The following KDM3B variants were observed in gnomAD, a reference collection of about 807,000 sequenced individuals.
KDM3B encodes the protein lysine-specific demethylase 3B.
In KDM3B, 10 loss-of-function variants were observed where a neutral mutation model predicts 170.0. The observed-to-expected ratio is 0.06, with a 90% confidence interval of 0.04 to 0.10. The LOEUF (loss-of-function observed/expected upper bound fraction) is 0.10, where lower values mean the gene tolerates loss of function less well. KDM3B is among the 10% of genes least tolerant of loss of function. The pLI, the probability that KDM3B is intolerant of heterozygous loss-of-function variation, is 1.00. For missense variants in KDM3B, 1,394 were observed against 2,195.2 expected (o/e 0.64, Z 7.29); for synonymous variants, 831 against 834.8 (o/e 1.00, Z 0.08).
At chr5:138,407,000 T>C (rs1185802915) in intron 11 of KDM3B, among the ~76,000 whole-genome samples, 1 of 150,988 alleles carries the variant, frequency 6.6e-6, no homozygotes, top group Admixed American at 6.6e-5. Context: ...TTTTTTTTTT[T>C]TTTGAGACAG....
At chr5:138,417,440 TG>T in intron 12 of KDM3B, 42 bp from the exon 13 acceptor site, 1 of 1,592,322 alleles carries the variant, frequency 6.3e-7, no homozygotes, top group Non-Finnish European at 8.6e-7. Flanking sequence ...GTGGCATATA[TG>T]AGTATTCTGG....
chr5:138,354,460 A>G (rs1411855510), intron 1 of KDM3B, among the ~76,000 whole-genome samples: 3 of 152,210 alleles, frequency 2.0e-5, no homozygotes, highest in Non-Finnish European at 4.4e-5. Flanking sequence ...CCACTATTAT[A>G]TGCATACTTT....
intron 8 of KDM3B, among the ~76,000 whole-genome samples, 196 bp downstream of exon 8, chr5:138,392,457 G>T (rs1003352974): frequency 2.0e-5 from 3 of 152,244 alleles, no homozygotes; most frequent in African/African-American, 7.2e-5. Flanking sequence ...GGCACTGTAG[G>T]AGGAGTATCT....
chr5:138,394,066 C>T (rs1762495102), intron 9 of KDM3B, among the ~76,000 whole-genome samples: 1 of 152,086 alleles, frequency 6.6e-6, no homozygotes, highest in Admixed American at 6.6e-5. Context: ...AATTTCAGCC[C>T]TCAGAAGGTT....
Position 138,431,427 on chromosome 5 carries a change from T to C in KDM3B, c.5073T>C (p.Val1691=), listed in dbSNP as rs548646600. Residue 1691 remains valine, a splice_region_variant and synonymous_variant, in exon 23 of 24, where the codon GTT becomes GTC. Transcript: ENST00000314358. The part of the protein sequence containing the change: ...VFIPAGAPHQ[V]HNLYSCIKVA... Reference sequence around the variant, plus strand: ...CCTCTGCACTTTGCCCTTCTCAGGTTCACAATCTATACAGTTGCATAAAAG... The same window carrying C: ...CCTCTGCACTTTGCCCTTCTCAGGTCCACAATCTATACAGTTGCATAAAAG... The C allele has an allele frequency of 1.9e-6, 3 of 1,592,496 alleles. No homozygotes were observed. Among genetic ancestry groups the C allele is most frequent in the African/African-American group, 2.7e-5 (2 of 74,508 alleles).
chr5:138,427,149 C>T, intron 18 of KDM3B, 40 bp from the exon 19 acceptor site: 1 of 1,607,318 alleles, frequency 6.2e-7, no homozygotes, highest in Non-Finnish European at 8.5e-7. Flanking sequence ...GGCTTTCTTC[C>T]CCTATAACAA....
intron 11 of KDM3B, among the ~76,000 whole-genome samples, chr5:138,404,956 G>C (rs185770414): frequency 6.7e-4 from 101 of 151,812 alleles, no homozygotes; most frequent in Admixed American, 1.3e-3. Flanking sequence ...AATCAGGCTG[G>C]TCTCAAACTC....
At chr5:138,379,038 A>G (rs1216674707) in intron 4 of KDM3B, among the ~76,000 whole-genome samples, 6 of 152,116 alleles carry the variant, frequency 3.9e-5, no homozygotes, top group Admixed American at 1.3e-4. Flanking sequence ...GACAGGTGCT[A>G]TATTTATATT....
At chr5:138,359,158 GTATT>G (rs1260275283) in intron 1 of KDM3B, among the ~76,000 whole-genome samples, 1 of 151,684 alleles carries the variant, frequency 6.6e-6, no homozygotes, top group Non-Finnish European at 1.5e-5. Context: ...ATTCCATGGT[GTATT>G]TATTTATTTT....
At chr5:138,424,473 C>T (rs1481140797) in intron 16 of KDM3B, 132 bp downstream of exon 16, 3 of 1,076,016 alleles carry the variant, frequency 2.8e-6, no homozygotes, top group African/African-American at 1.6e-5. Context: ...CTTGCTACTT[C>T]GAGTTGTCTT....
chr5:138,400,068 T>A, intron 11 of KDM3B, 56 bp downstream of exon 11: 1 of 1,560,108 alleles, frequency 6.4e-7, no homozygotes, highest in Non-Finnish European at 8.8e-7. Context: ...ATGTCCAAGA[T>A]GTTGTGGGAT....
At chr5:138,364,347 G>C (rs570578718) in intron 1 of KDM3B, among the ~76,000 whole-genome samples, 1 of 152,256 alleles carries the variant, frequency 6.6e-6, no homozygotes, top group South Asian at 2.1e-4. Flanking sequence ...AATAAATGCT[G>C]TGCAAGGAAT....
intron 16 of KDM3B, among the ~76,000 whole-genome samples, chr5:138,424,622 C>CA (rs1196570740): frequency 2.6e-5 from 4 of 151,562 alleles, no homozygotes; most frequent in African/African-American, 4.8e-5. Context: ...ACTAAAAATA[C>CA]AAAAAAAATT....
chr5:138,370,537 AT>A (rs1761846927), intron 1 of KDM3B, among the ~76,000 whole-genome samples: 1 of 152,230 alleles, frequency 6.6e-6, no homozygotes, highest in Non-Finnish European at 1.5e-5. Flanking sequence ...ATTTTCCTTC[AT>A]ATTTTTTCCA....
intron 9 of KDM3B, among the ~76,000 whole-genome samples, chr5:138,397,157 C>T (rs1411417943): frequency 6.6e-6 from 1 of 151,920 alleles, no homozygotes; most frequent in Admixed American, 6.6e-5. Flanking sequence ...TGGTAAAACC[C>T]CGTCTCTACT....
intron 11 of KDM3B, among the ~76,000 whole-genome samples, chr5:138,404,315 G>T (rs999018233): frequency 6.6e-6 from 1 of 152,200 alleles, no homozygotes; most frequent in African/African-American, 2.4e-5. Context: ...CACATTTTGT[G>T]TAGAGTAACA....
intron 1 of KDM3B, among the ~76,000 whole-genome samples, chr5:138,366,664 C>T (rs1051526136): frequency 1.3e-5 from 2 of 152,082 alleles, no homozygotes; most frequent in Non-Finnish European, 2.9e-5. Flanking sequence ...CTAGGTCTCC[C>T]CACCACCTTT....
chr5:138,426,345 C>T (rs562653595), intron 17 of KDM3B, among the ~76,000 whole-genome samples: 33 of 151,972 alleles, frequency 2.2e-4, no homozygotes, highest in African/African-American at 4.8e-4. Context: ...GAGGCCGAGG[C>T]GGGTGGATCA....
Position 138,386,183 on chromosome 5 carries a change from C to T in KDM3B, c.942C>T (p.Ser314=), listed in dbSNP as rs1344298640. The change falls in exon 7 of 24, where the codon AGC becomes AGT. Residue 314 remains serine (S), a synonymous_variant. Coordinates refer to ENST00000314358, the MANE Select transcript of KDM3B (RefSeq NM_016604.4). ...GDRGEVDSNG[S]DGGEASRGPW... is the part of the protein sequence containing the mutation. ...GGGGTGAAGTAGACAGTAATGGGAG[C>T]GATGGAGGTGAGGCAAGCCGAGGGC... 1.6e-5 allele frequency: 26 copies of T among 1,613,962 alleles called. No individual in the cohort carries two copies. Among genetic ancestry groups the T allele is most frequent in the South Asian group, 4.4e-5 (4 of 91,064 alleles).
Sources: gnomAD v4.1 joint callset for allele counts (sites outside exome capture counted in the v4.1 genomes callset) on GRCh38, gnomAD v4.1.1 for gene constraint, MANE v1.5 for transcripts, NCBI Gene and HGNC (gene_info 2026-07-23, HGNC 2026-07-21) for gene names.